Variants in RSF1 observed in about 807,000 individuals in gnomAD.
The protein encoded by RSF1 is HBV pX-associated protein 8.
A neutral mutation model predicts 145.2 loss-of-function variants in RSF1; 13 were observed. The ratio of observed to expected loss-of-function variants is 0.09; its 90% CI spans 0.06 to 0.14. The LOEUF (loss-of-function observed/expected upper bound fraction) is 0.14. Ranked by LOEUF, RSF1 falls within the 10% of genes least tolerant of loss-of-function variation. The pLI, the probability that RSF1 is intolerant of heterozygous loss-of-function variation, is 1.00. For missense variants in RSF1, 1,517 were observed against 1,718.2 expected, an observed-to-expected ratio of 0.88 and a Z score of 2.07; for synonymous variants, 577 against 592.6, an observed-to-expected ratio of 0.97 and a Z score of 0.38.
chr11:77,858,130 C>A, the RSF1 span, among the ~76,000 whole-genome samples: 1 of 151,530 alleles, frequency 6.6e-6, no homozygotes, highest in African/African-American at 2.4e-5. Context: ...GCAATCCTGT[C>A]GCGTCAGCCT....
intron 1 of RSF1, among the ~76,000 whole-genome samples, chr11:77,790,212 A>G (rs894591604): frequency 6.6e-6 from 1 of 152,216 alleles, no homozygotes; most frequent in Non-Finnish European, 1.5e-5. Flanking sequence ...CTTCACAATC[A>G]TGGTAGAAGG....
Position 77,788,142 on chromosome 11 carries a change from C to CAAAAAAAAAAAAAAAAAAAAAAA in RSF1, c.188-23476_188-23454dup, listed in dbSNP as rs66595170. On this transcript the variant is annotated intron_variant, in intron 1 of 15. Transcript: ENST00000308488. ...GGGCAACCAGAGTGAGACACTATCT[C>CAAAAAAAAAAAAAAAAAAAAAAA]AAAAAAAAAAAAAAAAAAAAAAAAA... Among the ~76,000 whole-genome samples the CAAAAAAAAAAAAAAAAAAAAAAA allele has an allele frequency of 5.8e-4, 2 of 3,432 alleles. 1 individual carries two copies. The highest frequency in any genetic ancestry group is 1.9e-3 in the Non-Finnish European group (2 of 1,066). 2.3% of individuals were successfully genotyped at this position (3,432 alleles called of 152,430 possible).
At chr11:77,821,144 AG>A, upstream of RSF1, 1 of 400,314 alleles carries the variant, frequency 2.5e-6, no homozygotes, top group Non-Finnish European at 4.4e-6. Flanking sequence ...CCCGGAGGGC[AG>A]TTGGGGAGCG....
chr11:77,815,803 C>CA (rs2135992413), intron 1 of RSF1, among the ~76,000 whole-genome samples: 1 of 152,218 alleles, frequency 6.6e-6, no homozygotes, highest in African/African-American at 2.4e-5. Flanking sequence ...AGCAGATGCT[C>CA]AATATATATA....
At chr11:77,680,387 C>T (rs1959826093) in intron 11 of RSF1, among the ~76,000 whole-genome samples, 3 of 152,162 alleles carry the variant, frequency 2.0e-5, no homozygotes, top group Admixed American at 1.3e-4. Flanking sequence ...CCGCAGTGAG[C>T]TGTGATCATG....
the RSF1 span, among the ~76,000 whole-genome samples, chr11:77,868,058 CTTT>C: frequency 2.2e-5 from 3 of 137,072 alleles, no homozygotes; most frequent in Non-Finnish European, 4.7e-5. Flanking sequence ...TCCTCTGAGC[CTTT>C]TTTTTTTTTT....
intron 1 of RSF1, among the ~76,000 whole-genome samples, chr11:77,791,603 C>G (rs1279661839): frequency 5.3e-5 from 8 of 152,184 alleles, no homozygotes; most frequent in Non-Finnish European, 1.2e-4. Context: ...CAAGTTACAT[C>G]TCGAATGTTT....
At position 77,698,515 on chromosome 11, in the gene RSF1, T is replaced by C. The variant is rs1231601463; in HGVS notation, c.2687A>G (p.Lys896Arg). ...CTCAGGATGGTTTGGAAGGCCACAT[T>C]TTTTGCATGGTTCATCATCATCTGC... ...ILADDDEPCK[K>R]CGLPNHPELI... Residue 896 changes from lysine (K) to arginine (R), a missense_variant, in exon 7 of 16, where the codon AAA (lysine) becomes AGA (arginine). This residue lies in a region of RSF1 where 24 missense variants were observed against 32.1 expected (regional missense o/e 0.75). Transcript: ENST00000308488. 1 of 1,614,142 alleles carries C rather than the reference T, an allele frequency of 6.2e-7. No individual in the cohort carries two copies. The highest frequency in any genetic ancestry group is 1.7e-5 in the Admixed American group (1 of 60,018).
At chr11:77,706,811 C>T (rs1372608835) in intron 5 of RSF1, among the ~76,000 whole-genome samples, 6 of 151,968 alleles carry the variant, frequency 3.9e-5, no homozygotes, top group African/African-American at 1.5e-4. Flanking sequence ...TTTTTTGATC[C>T]TGACCCTCCT....
At chr11:77,683,893 TA>T (rs1400013332) in intron 10 of RSF1, 74 bp from the exon 11 acceptor site, 1 of 1,116,784 alleles carries the variant, frequency 9.0e-7, no homozygotes, top group Admixed American at 2.3e-5. Flanking sequence ...AACAGTTTTG[TA>T]ATCTCCATTT....
At position 77,662,504 on chromosome 11, in the gene RSF1, TAC is replaced by T. The variant is rs1165607681; in HGVS notation, c.*4411_*4412del. On this transcript the variant is annotated 3_prime_UTR_variant, in exon 16 of 16. Coordinates refer to ENST00000308488, the MANE Select transcript of RSF1 (RefSeq NM_016578.4). ...TTGGCAATTACTCTCTTCAACATAT[TAC>T]AGTTACTTAGCAATTCTTGGCACTC... The T allele has an allele frequency of 2.6e-5, 4 of 152,176 alleles. No homozygotes were observed. The highest frequency in any genetic ancestry group is 1.9e-4 in the East Asian group (1 of 5,202). 9.4% of individuals were successfully genotyped at this position (152,176 alleles called of 1,614,324 possible).
intron 4 of RSF1, chr11:77,735,172 C>T (rs975363957): frequency 1.6e-5 from 11 of 696,632 alleles, no homozygotes; most frequent in African/African-American, 3.5e-5. Flanking sequence ...GGACGAGCAC[C>T]GGGTTCCGTC....
chr11:77,728,192 G>A (rs957486091), intron 4 of RSF1, among the ~76,000 whole-genome samples: 23 of 152,120 alleles, frequency 1.5e-4, no homozygotes, highest in African/African-American at 4.6e-4. Context: ...GTGACTGACT[G>A]CACTTCTGCT....
chr11:77,686,888 T>TACCCAATAC (rs1383153697), intron 9 of RSF1, among the ~76,000 whole-genome samples: 31 of 152,292 alleles, frequency 2.0e-4, no homozygotes, highest in African/African-American at 7.5e-4. Flanking sequence ...ATAAAGTAGG[T>TACCCAATAC]ACCCAATACA....
chr11:77,817,394 G>A (rs977466500), intron 1 of RSF1, among the ~76,000 whole-genome samples: 13 of 152,182 alleles, frequency 8.5e-5, no homozygotes, highest in Middle Eastern at 3.4e-3. Context: ...CACAGCAACC[G>A]CTAAAAAACC....
rs534197750 is a variant in RSF1, at chr11:77,707,394, A to G, written c.734-4899T>C. Among the ~76,000 whole-genome samples, 9 of 152,362 alleles carry G rather than the reference A, an allele frequency of 5.9e-5. No individual in the cohort carries two copies. The South Asian group carries it at 1.9e-3, about 32-fold the overall frequency. Reference sequence around the variant, plus strand: ...TATGAAGCATATTTCACCAACCTACAAAGTGAGATTTGGGCAAGGACATGA... The same window carrying G: ...TATGAAGCATATTTCACCAACCTACGAAGTGAGATTTGGGCAAGGACATGA... On this transcript the variant is annotated intron_variant, in intron 5 of 15. Coordinates refer to ENST00000308488, the MANE Select transcript of RSF1 (RefSeq NM_016578.4).
upstream of RSF1, chr11:77,821,052 A>T: frequency 1.2e-4 from 43 of 363,164 alleles, no homozygotes; most frequent in East Asian, 2.4e-4. Context: ...TGGAAGCGGG[A>T]GGGGCGGGAC....
At chr11:77,742,197 T>C (rs533831031) in intron 3 of RSF1, among the ~76,000 whole-genome samples, 46 of 152,320 alleles carry the variant, frequency 3.0e-4, no homozygotes, top group African/African-American at 1.1e-3. Context: ...TAGTTCTATT[T>C]TGAATTTTTT....
the RSF1 span, among the ~76,000 whole-genome samples, chr11:77,831,722 G>T: frequency 6.7e-6 from 1 of 149,328 alleles, no homozygotes; most frequent in Non-Finnish European, 1.5e-5. Context: ...CTGAGACAGG[G>T]TCTCACTCTG....
Sources: allele counts gnomAD v4.1 joint callset (sites outside exome capture counted in the v4.1 genomes callset), GRCh38; gene constraint gnomAD v4.1.1; regional missense constraint gnomAD v4.1.1; transcripts MANE v1.5; gene names NCBI Gene and HGNC (gene_info 2026-07-23, HGNC 2026-07-21).